The following RAB12 variants were observed in gnomAD, a reference collection of about 807,000 sequenced individuals.
RAB12 encodes RAB12, member RAS oncogene family, also known as ras-related protein Rab-12.
Under a neutral mutation model 28.4 loss-of-function variants are expected in RAB12, and 11 were observed. That is an observed-to-expected ratio of 0.39 (90% confidence interval 0.24 to 0.64). The LOEUF is 0.64. Among genes scored for constraint, RAB12 ranks in the 30% least tolerant of loss-of-function variants. The probability of loss-of-function intolerance (pLI) is 0.50; values close to 1 mark genes in which losing one functional copy is unlikely to be tolerated. For missense variants in RAB12, 276 were observed against 351.1 expected, an observed-to-expected ratio of 0.79 and a Z score of 1.71; for synonymous variants, 138 against 145.3, an observed-to-expected ratio of 0.95 and a Z score of 0.36.
rs397859076 is a variant in RAB12 at position 8,632,282 on chromosome 18, CAAAAAAA to C, written c.576-893_576-887del. Among the ~76,000 whole-genome samples, 252 of 58,838 alleles carry C rather than the reference CAAAAAAA, an allele frequency of 4.3e-3. 3 individuals are homozygous for C. Among genetic ancestry groups the C allele is most frequent in the African/African-American group, 0.012 (224 of 18,536 alleles). 38.6% of individuals were successfully genotyped at this position (58,838 alleles called of 152,430 possible). ...GGGTGACAGAGCTAGACTCTGTCTC[CAAAAAAA>C]AAAAAAAAAAAAAGTAATTGGGACT... On this transcript the variant is annotated intron_variant, in intron 2 of 5. Coordinates refer to ENST00000649141, the MANE Select transcript of RAB12 (RefSeq NM_001025300.3).
chr18:8,633,048 C>A, intron 2 of RAB12, 141 bp from the exon 3 acceptor site: 1 of 944,164 alleles, frequency 1.1e-6, no homozygotes, highest in South Asian at 1.5e-5. Context: ...TAAGTGTGGT[C>A]ATCAGGTCAA....
intron 1 of RAB12, among the ~76,000 whole-genome samples, chr18:8,618,248 A>C (rs949222306): frequency 1.3e-5 from 2 of 152,148 alleles, no homozygotes; most frequent in African/African-American, 4.8e-5. Flanking sequence ...CCAACCCTGG[A>C]GTGCAAGCGA....
chr18:8,623,371 C>T (rs559106458), intron 1 of RAB12, among the ~76,000 whole-genome samples: 5 of 152,314 alleles, frequency 3.3e-5, no homozygotes, highest in East Asian at 1.9e-4. Context: ...CCTGACTTCC[C>T]GCAACAATAG....
At position 8,635,599 on chromosome 18, in the gene RAB12, A is replaced by G. The variant is rs752712716; in HGVS notation, c.781A>G (p.Ile261Val). The G allele has an allele frequency of 1.9e-6, 3 of 1,612,936 alleles. No homozygotes were observed. Among genetic ancestry groups the G allele is most frequent in the Non-Finnish European group, 8.5e-7 (1 of 1,179,500 alleles). ...GTTGGACTGTGAAACGGACAGAGAA[A>G]TCACCAGGCAGCAGGGGGAAAAGGT... ...NKLDCETDRE[I>V]TRQQGEKFAQ... The change falls in exon 4 of 6, where the codon ATC becomes GTC. Residue 261 changes from isoleucine (I) to valine (V), a missense_variant. Physicochemically the swap from Ile to Val is conservative, Grantham distance 29 (BLOSUM62 3). Coordinates refer to ENST00000649141, the MANE Select transcript of RAB12 (RefSeq NM_001025300.3).
intron 1 of RAB12, among the ~76,000 whole-genome samples, chr18:8,620,165 C>CTTTA (rs2096009078): frequency 2.4e-4 from 18 of 75,412 alleles, no homozygotes; most frequent in Non-Finnish European, 3.2e-4. Context: ...TTTTTTGCTT[C>CTTTA]AAAAAAAAAA....
At chr18:8,612,521 C>A (rs530588538) in intron 1 of RAB12, among the ~76,000 whole-genome samples, 1 of 152,152 alleles carries the variant, frequency 6.6e-6, no homozygotes, top group African/African-American at 2.4e-5. Context: ...GGGCTGCTCG[C>A]GACAGCCGTC....
intron 1 of RAB12, among the ~76,000 whole-genome samples, chr18:8,620,325 C>A (rs321657): frequency 0.34 from 51,885 of 151,838 alleles, 11,293 homozygotes; most frequent in African/African-American, 0.62. Flanking sequence ...TCTCACCAGA[C>A]TAATTCACCT....
At chr18:8,620,545 T>C (rs1437593297) in intron 1 of RAB12, among the ~76,000 whole-genome samples, 1 of 151,146 alleles carries the variant, frequency 6.6e-6, no homozygotes, top group Non-Finnish European at 1.5e-5. Context: ...ATTCCACACC[T>C]GCTACTCAGA....
intron 1 of RAB12, among the ~76,000 whole-genome samples, chr18:8,623,774 G>A (rs1351501608): frequency 6.6e-6 from 1 of 152,260 alleles, no homozygotes; most frequent in Non-Finnish European, 1.5e-5. Flanking sequence ...TTGACATGGA[G>A]TAGTGCTCTC....
chr18:8,637,263 G>A (rs2096019478), intron 5 of RAB12, among the ~76,000 whole-genome samples: 1 of 146,114 alleles, frequency 6.8e-6, no homozygotes, highest in Non-Finnish European at 1.5e-5. Context: ...GACAGAATGA[G>A]ACACTGTCTC....
chr18:8,615,800 T>A (rs1306272002), intron 1 of RAB12, among the ~76,000 whole-genome samples: 1 of 152,218 alleles, frequency 6.6e-6, no homozygotes, highest in South Asian at 2.1e-4. Flanking sequence ...AAAAATCTAT[T>A]TAAAGACCTG....
At chr18:8,610,100 G>T in intron 1 of RAB12, 147 bp downstream of exon 1, 1 of 603,000 alleles carries the variant, frequency 1.7e-6, no homozygotes, top group Non-Finnish European at 2.9e-6. Context: ...TCCTTGGAGC[G>T]CCCTGCATCC....
At chr18:8,637,629 A>G (rs1196302320) in intron 5 of RAB12, among the ~76,000 whole-genome samples, 2 of 152,200 alleles carry the variant, frequency 1.3e-5, no homozygotes, top group African/African-American at 4.8e-5. Flanking sequence ...CCCTTGAACA[A>G]CAAGGGGGCT....
intron 2 of RAB12, among the ~76,000 whole-genome samples, chr18:8,627,934 A>C (rs571655954): frequency 7.2e-5 from 11 of 152,356 alleles, no homozygotes; most frequent in African/African-American, 2.4e-4. Context: ...AAATACAGCA[A>C]ATAAGAGGCT....
intron 1 of RAB12, among the ~76,000 whole-genome samples, chr18:8,618,563 A>G (rs774462912): frequency 1.6e-4 from 24 of 151,050 alleles, no homozygotes; most frequent in East Asian, 3.9e-4. Flanking sequence ...AGGCTGGAGT[A>G]CAGTGGCGCG....
At chr18:8,619,510 C>T (rs1452997738) in intron 1 of RAB12, among the ~76,000 whole-genome samples, 3 of 152,212 alleles carry the variant, frequency 2.0e-5, no homozygotes, top group Non-Finnish European at 2.9e-5. Context: ...AGGCAGAGCG[C>T]AGAGTCAGGC....
chr18:8,615,390 T>C (rs915738549), intron 1 of RAB12, among the ~76,000 whole-genome samples: 3 of 152,184 alleles, frequency 2.0e-5, no homozygotes, highest in African/African-American at 7.2e-5. Flanking sequence ...CTTAACTGTG[T>C]ATTTTATTTT....
At position 8,636,245 on chromosome 18, in the gene RAB12, C is replaced by T. The variant is rs780222817; in HGVS notation, c.805-8C>T. 4 of 1,600,366 alleles carry T rather than the reference C, an allele frequency of 2.5e-6. No homozygotes were observed. The highest frequency in any genetic ancestry group is 3.4e-6 in the Non-Finnish European group (4 of 1,167,584). ...ACACAGAGGAAATAGGTGTGTGTTT[C>T]TTCTCAGTTTGCACAGCAGATCACT... On this transcript the variant is annotated splice_polypyrimidine_tract_variant and splice_region_variant and intron_variant, in intron 4 of 5. Coordinates refer to ENST00000649141, the MANE Select transcript of RAB12 (RefSeq NM_001025300.3).
At chr18:8,620,881 A>AGTC (rs1366112817) in intron 1 of RAB12, among the ~76,000 whole-genome samples, 2 of 152,212 alleles carry the variant, frequency 1.3e-5, no homozygotes, top group African/African-American at 4.8e-5. Flanking sequence ...AGAAGAGGTC[A>AGTC]GATGGGAAAT....
Sources: gnomAD v4.1 joint callset for allele counts (sites outside exome capture counted in the v4.1 genomes callset) on GRCh38, gnomAD v4.1.1 for gene constraint, MANE v1.5 for transcripts, NCBI Gene and HGNC (gene_info 2026-07-23, HGNC 2026-07-21) for gene names.